The following CYBA variants were observed in gnomAD, a reference collection of about 807,000 sequenced individuals.
CYBA encodes cytochrome b-245 alpha chain.
A neutral mutation model predicts 20.8 loss-of-function variants in CYBA; 21 were observed. That is an observed-to-expected ratio of 1.01 (90% CI 0.72 to 1.46). The LOEUF is 1.46. CYBA is among the 40% of genes most tolerant of loss of function. CYBA has a pLI of 0.00. For synonymous variants in CYBA, 164 were observed against 127.5 expected (o/e 1.29, Z -1.93); for missense variants, 344 against 287.0 (o/e 1.20, Z -1.43).
rs1392801745 is a variant in CYBA, at chr16:88,648,050, G to C, written c.123C>G (p.Tyr41Ter). Residue 41 changes from tyrosine (Y) to a stop codon, truncating the protein, a stop_gained, in exon 2 of 6, where the codon TAC (tyrosine) becomes TAG (stop). Transcript: ENST00000261623. LOFTEE classifies it high-confidence loss of function. ...AGCCTCAGGTGGAAGGATACATGGAGTAGGCACCAAAGTACCACTGGGTGA... is the reference window on the plus strand; with the variant it reads ...AGCCTCAGGTGGAAGGATACATGGACTAGGCACCAAAGTACCACTGGGTGA... ...GRFTQWYFGA[Y>*]SIVAGVFVCL... 6.2e-7 allele frequency: 1 copy of C among 1,612,640 alleles called. No homozygotes were observed. Among genetic ancestry groups the C allele is most frequent in the South Asian group, 1.1e-5 (1 of 90,832 alleles).
At chr16:88,645,047 G>A in intron 5 of CYBA, 1 of 640,778 alleles carries the variant, frequency 1.6e-6, no homozygotes, top group Non-Finnish European at 2.8e-6. Context: ...CTGGTGGTGG[G>A]TTGTCTGCTG....
intron 1 of CYBA, among the ~76,000 whole-genome samples, chr16:88,649,117 T>C (rs1907406447): frequency 6.6e-6 from 1 of 151,484 alleles, no homozygotes; most frequent in African/African-American, 2.4e-5. Context: ...TTTTGTATTT[T>C]TAGTAGAGAC....
rs569647382 is a variant in CYBA at position 88,649,385 on chromosome 16, G to C, written c.59-1271C>G. 2.4e-3 allele frequency among the ~76,000 whole-genome samples: 372 copies of C among 152,284 alleles called. 2 individuals carry two copies. The highest frequency in any genetic ancestry group is 6.8e-3 in the Middle Eastern group (2 of 294). On this transcript the variant is annotated intron_variant, in intron 1 of 5. Coordinates refer to ENST00000261623, the MANE Select transcript of CYBA (RefSeq NM_000101.4). ...TGAGTCTACTCAGCCAATTGTCCATGCATCTTTGGGGACCGTCCTGGTCCC... is the reference window on the plus strand; with the variant it reads ...TGAGTCTACTCAGCCAATTGTCCATCCATCTTTGGGGACCGTCCTGGTCCC...
intron 2 of CYBA, among the ~76,000 whole-genome samples, chr16:88,647,432 C>T (rs919526220): frequency 6.6e-6 from 1 of 152,198 alleles, no homozygotes. Context: ...CCAGCTACTC[C>T]AGAGGCTGAG....
chr16:88,648,232 A>G (rs1907360624), intron 1 of CYBA, 118 bp from the exon 2 acceptor site: 1 of 912,166 alleles, frequency 1.1e-6, no homozygotes, highest in Non-Finnish European at 1.7e-6. Context: ...ACCCATCCCC[A>G]CAGCACAGTG....
At chr16:88,649,735 G>C (rs908673688) in intron 1 of CYBA, among the ~76,000 whole-genome samples, 2 of 152,232 alleles carry the variant, frequency 1.3e-5, no homozygotes, top group African/African-American at 2.4e-5. Flanking sequence ...GAGGGGGCCG[G>C]AGAGCCGGGA....
At chr16:88,646,988 C>T in intron 3 of CYBA, 113 bp downstream of exon 3, 2 of 1,228,476 alleles carry the variant, frequency 1.6e-6, no homozygotes, top group South Asian at 2.5e-5. Flanking sequence ...CCCACAAGCA[C>T]CAAAGGGTTG....
In CYBA at chr16:88,643,359, G is replaced by A. The variant is rs960220447; in HGVS notation, c.582C>T (p.Val194=). The change falls in exon 6 of 6, where the codon GTC becomes GTT. Residue 194 remains valine, a synonymous_variant. Transcript: ENST00000261623. The surrounding 1 kb of genome is among the most constrained non-coding windows in gnomAD (Gnocchi z 4.3). ...GGGCAGGTCCGGGGCGAGGTCACAC[G>A]ACCTCGTCGGTCACCGGGATGGGGT... ...QVNPIPVTDE[V]V 1.3e-6 allele frequency: 2 copies of A among 1,524,080 alleles called. No individual in the cohort carries two copies. Among genetic ancestry groups the A allele is most frequent in the Non-Finnish European group, 1.8e-6 (2 of 1,138,410 alleles). The allele number at this position is 1,524,080 out of a possible 1,614,324, so 94.4% of individuals were successfully genotyped here. A position where few individuals can be genotyped will look rare whatever the true frequency, so the allele number is the denominator to read the frequency against.
At chr16:88,648,699 C>G (rs984846450) in intron 1 of CYBA, among the ~76,000 whole-genome samples, 1 of 151,110 alleles carries the variant, frequency 6.6e-6, no homozygotes, top group Non-Finnish European at 1.5e-5. Flanking sequence ...CTCACTGCTA[C>G]CTCCGCCTCC....
At position 88,646,745 on chromosome 16, in the gene CYBA, G is replaced by A. The variant is rs755948366; in HGVS notation, c.287+10C>T. The A allele has an allele frequency of 4.3e-6, 7 of 1,611,356 alleles. No homozygotes were observed. Among genetic ancestry groups the A allele is most frequent in the Admixed American group, 1.7e-5 (1 of 59,996 alleles). ...CTGAGCCCTAGAGGGGGTGCGGGACGGGGACTCACAGGAGATGCAGGACGG... is the reference window on the plus strand; with the variant it reads ...CTGAGCCCTAGAGGGGGTGCGGGACAGGGACTCACAGGAGATGCAGGACGG... On this transcript the variant is annotated intron_variant, in intron 4 of 5. Coordinates refer to ENST00000261623, the MANE Select transcript of CYBA (RefSeq NM_000101.4).
Position 88,643,463 on chromosome 16 carries a change from G to A in CYBA, c.478C>T (p.Pro160Ser). The change falls in exon 6 of 6, where the codon CCG becomes TCG. Residue 160 changes from proline to serine, a missense_variant. Pro to Ser is a moderately conservative substitution (Grantham distance 74, BLOSUM62 -1). Coordinates refer to ENST00000261623, the MANE Select transcript of CYBA (RefSeq NM_000101.4). The surrounding 1 kb of genome is among the most constrained non-coding windows in gnomAD (Gnocchi z 4.3). ...CTGGGCTTCTTGCGGGCCTCGGCCGGGGGCCGCGGCGGGGGGTTGCTGGGC... is the reference window on the plus strand; with the variant it reads ...CTGGGCTTCTTGCGGGCCTCGGCCGAGGGCCGCGGCGGGGGGTTGCTGGGC... ...QPPSNPPPRP[P>S]AEARKKPSEE... 1 of 1,532,954 alleles carries A rather than the reference G, an allele frequency of 6.5e-7. No individual in the cohort carries two copies. The highest frequency in any genetic ancestry group is 1.4e-5 in the African/African-American group (1 of 72,380). The allele number at this position is 1,532,954 out of a possible 1,614,324, so 95.0% of individuals were successfully genotyped here.
At position 88,643,349 on chromosome 16, in the gene CYBA, G is replaced by A. The variant is rs536125015; in HGVS notation, c.*4C>T. On this transcript the variant is annotated 3_prime_UTR_variant, in exon 6 of 6. Coordinates refer to ENST00000261623, the MANE Select transcript of CYBA (RefSeq NM_000101.4). This position sits in a 1 kb window ranked among gnomAD's most constrained non-coding sequence, Gnocchi z 4.3. ...CCTGGCGGGAGGGCAGGTCCGGGGCGAGGTCACACGACCTCGTCGGTCACC... is the reference window on the plus strand; with the variant it reads ...CCTGGCGGGAGGGCAGGTCCGGGGCAAGGTCACACGACCTCGTCGGTCACC... The A allele has an allele frequency of 4.6e-6, 7 of 1,514,904 alleles. No individual in the cohort carries two copies. The South Asian group carries it at 4.9e-5, about 11-fold the overall frequency. The allele number at this position is 1,514,904 out of a possible 1,614,324, so 93.8% of individuals were successfully genotyped here.
In CYBA at chr16:88,647,119, C is replaced by G; in HGVS notation, c.185G>C (p.Gly62Ala). ...GACTCACCAGCGCTCCATGGTGGAG[C>G]CCTTCTTCCTCTTCCCCCGGGGGTA... is the stretch of plus-strand genomic sequence containing the variant. ...LEYPRGKRKK[G>A]STMERWGQKY... The change falls in exon 3 of 6, where the codon GGC (glycine) becomes GCC (alanine). Residue 62 changes from glycine (G) to alanine (A), a missense_variant. Gly to Ala is a moderately conservative substitution (Grantham distance 60, BLOSUM62 0). Transcript: ENST00000261623. The G allele has an allele frequency of 6.2e-7, 1 of 1,611,360 alleles. No individual in the cohort carries two copies. The highest frequency in any genetic ancestry group is 8.5e-7 in the Non-Finnish European group (1 of 1,179,762).
chr16:88,647,522 C>T (rs904495745), intron 2 of CYBA, among the ~76,000 whole-genome samples: 20 of 152,206 alleles, frequency 1.3e-4, no homozygotes, highest in African/African-American at 3.1e-4. Context: ...GGGGACAGAG[C>T]GAGACCCTGT....
chr16:88,646,588 A>G (rs762508755), intron 4 of CYBA, 167 bp downstream of exon 4: 1 of 723,910 alleles, frequency 1.4e-6, no homozygotes, highest in Non-Finnish European at 2.5e-6. Flanking sequence ...TGCACACTAG[A>G]CAGCAGACAC....
intron 2 of CYBA, 93 bp downstream of exon 2, chr16:88,647,952 G>C: frequency 8.1e-7 from 1 of 1,241,140 alleles, no homozygotes; most frequent in Non-Finnish European, 1.2e-6. Flanking sequence ...GGCTGCGGTG[G>C]TGGGGAGCGG....
At chr16:88,648,508 C>T (rs745490509) in intron 1 of CYBA, among the ~76,000 whole-genome samples, 3 of 152,184 alleles carry the variant, frequency 2.0e-5, no homozygotes, top group East Asian at 1.9e-4. Flanking sequence ...TTTTTCCCCC[C>T]GATACGGAGT....
Position 88,649,209 on chromosome 16 carries a change from T to C in CYBA, c.59-1095A>G, listed in dbSNP as rs72549198. The stretch of plus-strand genomic sequence containing the variant: ...GCCTTGGCCTCCCAAAGTGCTAGGA[T>C]TACAGGTGTAGCCACCTTGCCCTGC... On this transcript the variant is annotated intron_variant, in intron 1 of 5. Coordinates refer to ENST00000261623, the MANE Select transcript of CYBA (RefSeq NM_000101.4). Among the ~76,000 whole-genome samples the C allele has an allele frequency of 2.1e-3, 321 of 152,370 alleles. 2 individuals carry two copies. The highest frequency in any genetic ancestry group is 7.5e-3 in the African/African-American group (311 of 41,592).
In CYBA at chr16:88,646,817, G is replaced by A. The variant is rs144697580; in HGVS notation, c.225C>T (p.Ala75=). Residue 75 remains alanine, a synonymous_variant, in exon 4 of 6, where the codon GCC becomes GCT. Transcript: ENST00000261623. ...MERWGQKYMT[A]VVKLFGPFTR... ...TAAAGGGCCCGAACAGCTTCACCAC[G>A]GCGGTCATGTACTTCTGTCCCCTGG... 79 of 1,613,878 alleles carry A rather than the reference G, an allele frequency of 4.9e-5. No individual in the cohort carries two copies. In the African/African-American group the frequency reaches 5.7e-4, roughly 12 times the overall value.
Sources: gnomAD v4.1 joint callset for allele counts (sites outside exome capture counted in the v4.1 genomes callset) on GRCh38, gnomAD v4.1.1 for gene constraint, Gnocchi (gnomAD v3.1) non-coding constraint, MANE v1.5 for transcripts, NCBI Gene and HGNC (gene_info 2026-07-23, HGNC 2026-07-21) for gene names.